MCF2: variants seen among roughly 807,000 people sequenced by gnomAD.
MCF2 encodes proto-oncogene DBL.
A neutral mutation model predicts 82.5 loss-of-function variants in MCF2; 44 were observed. The ratio of observed to expected loss-of-function variants is 0.53; its 90% confidence interval spans 0.42 to 0.69. The LOEUF is 0.69. Among genes scored for constraint, MCF2 ranks in the 30% least tolerant of loss-of-function variants. The pLI, the probability that MCF2 is intolerant of heterozygous loss-of-function variation, is 0.00. For missense variants in MCF2, 623 were observed against 663.1 expected, an observed-to-expected ratio of 0.94 and a Z score of 0.66; for synonymous variants, 217 against 224.9, an observed-to-expected ratio of 0.96 and a Z score of 0.32.
chrX:139,621,146 T>A (rs752963763), intron 6 of MCF2, among the ~76,000 whole-genome samples: 1 of 111,135 alleles, frequency 9.0e-6, no homozygotes, highest in Admixed American at 9.6e-5. Context: ...ACTAATCATA[T>A]AAAGAAGAGT....
chrX:139,638,946 CTATA>C (rs1351320365), intron 1 of MCF2, among the ~76,000 whole-genome samples: 1 of 111,191 alleles, frequency 9.0e-6, no homozygotes, highest in Non-Finnish European at 1.9e-5. Context: ...TACTTTTTCT[CTATA>C]TACCAATATT....
chrX:139,602,156 T>C (rs1930602674), intron 16 of MCF2, among the ~76,000 whole-genome samples: 1 of 110,703 alleles, frequency 9.0e-6, no homozygotes, highest in South Asian at 3.8e-4. Context: ...GTATAAAGGA[T>C]AAAGATAAGC....
chrX:139,656,041 T>G (rs982182978), intron 1 of MCF2, among the ~76,000 whole-genome samples: 22 of 108,955 alleles, frequency 2.0e-4, no homozygotes, highest in South Asian at 3.8e-4. Context: ...GTAAATGCTG[T>G]TTTTTTTTGT....
intron 1 of MCF2, among the ~76,000 whole-genome samples, chrX:139,665,311 A>G (rs2148544413): frequency 9.0e-6 from 1 of 111,603 alleles, no homozygotes; most frequent in East Asian, 2.8e-4. Flanking sequence ...ACTTCACCCC[A>G]TGGCAGCGAG....
chrX:139,699,656 C>T (rs1052065948), intron 1 of MCF2, among the ~76,000 whole-genome samples: 9 of 112,337 alleles, frequency 8.0e-5, no homozygotes, highest in Non-Finnish European at 1.7e-4. Flanking sequence ...CCAGGTTAAA[C>T]CATGCTGTAG....
At chrX:139,628,375 A>G (rs1932814295) in intron 4 of MCF2, among the ~76,000 whole-genome samples, 1 of 112,102 alleles carries the variant, frequency 8.9e-6, no homozygotes, top group South Asian at 3.7e-4. Flanking sequence ...ATGCAAGAAC[A>G]GGAAACCAAA....
At chrX:139,620,367 AG>A (rs1314781202) in intron 6 of MCF2, among the ~76,000 whole-genome samples, 1 of 111,374 alleles carries the variant, frequency 9.0e-6, no homozygotes, top group Non-Finnish European at 1.9e-5. Flanking sequence ...ACAATAGTCA[AG>A]AACACTAATA....
At chrX:139,640,685 A>C (rs1217771875) in intron 1 of MCF2, among the ~76,000 whole-genome samples, 1 of 110,992 alleles carries the variant, frequency 9.0e-6, no homozygotes, top group Admixed American at 9.6e-5. Flanking sequence ...TCAAGGTGAA[A>C]CCATTTTTTT....
intron 10 of MCF2, among the ~76,000 whole-genome samples, chrX:139,611,411 C>T (rs764919211): frequency 8.9e-6 from 1 of 112,032 alleles, no homozygotes; most frequent in Non-Finnish European, 1.9e-5. Flanking sequence ...TAATATGCTC[C>T]ACTTCAAAGA....
At chrX:139,704,520 C>T (rs1314920244) in intron 1 of MCF2, among the ~76,000 whole-genome samples, 2 of 111,213 alleles carry the variant, frequency 1.8e-5, no homozygotes, top group Non-Finnish European at 3.8e-5. Flanking sequence ...AACACAGTCC[C>T]CAAAATCTCA....
chrX:139,648,363 C>A (rs1423082108), intron 2 of MCF2, among the ~76,000 whole-genome samples: 1 of 109,526 alleles, frequency 9.1e-6, no homozygotes, highest in Non-Finnish European at 1.9e-5. Flanking sequence ...CAGAGCAAGA[C>A]CCCGTCTCTC....
chrX:139,606,276 T>A (rs1234503188), intron 12 of MCF2, among the ~76,000 whole-genome samples: 1 of 109,660 alleles, frequency 9.1e-6, no homozygotes, highest in Non-Finnish European at 1.9e-5. Context: ...TTCAAAGTAA[T>A]GTTCTGAAAT....
chrX:139,675,088 C>T (rs1223108794), intron 1 of MCF2, among the ~76,000 whole-genome samples: 1 of 111,944 alleles, frequency 8.9e-6, no homozygotes, highest in Non-Finnish European at 1.9e-5. Context: ...TCATTAATAC[C>T]CTTTCTTCCA....
intron 1 of MCF2, among the ~76,000 whole-genome samples, chrX:139,681,738 A>T (rs1935003425): frequency 8.9e-6 from 1 of 111,979 alleles, no homozygotes; most frequent in Admixed American, 9.5e-5. Context: ...AGATTTATTT[A>T]CTTGTTCACC....
chrX:139,677,536 G>A (rs1345526119), intron 1 of MCF2, among the ~76,000 whole-genome samples: 1 of 111,708 alleles, frequency 9.0e-6, no homozygotes, highest in Non-Finnish European at 1.9e-5. Context: ...CAGGTAACAT[G>A]CTGAGTTTAT....
rs150804865 is a variant in MCF2, at chrX:139,672,083, A to G, written c.-44-20295T>C. Reference sequence around the variant, plus strand: ...TTTATTCTCTTTGTAGCAATTGTGAATGGGAGTTCACTCATGATTTGGCTC... The same window carrying G: ...TTTATTCTCTTTGTAGCAATTGTGAGTGGGAGTTCACTCATGATTTGGCTC... On this transcript the variant is annotated intron_variant, in intron 1 of 27. Coordinates refer to the MCF2 transcript ENST00000414978. Among the ~76,000 whole-genome samples, 1,092 of 111,699 alleles carry G rather than the reference A, an allele frequency of 9.8e-3. 12 individuals carry two copies. Among genetic ancestry groups the G allele is most frequent in the African/African-American group, 0.033 (1,025 of 30,676 alleles).
chrX:139,691,761 G>T (rs964652309), intron 1 of MCF2, among the ~76,000 whole-genome samples: 4 of 109,133 alleles, frequency 3.7e-5, no homozygotes, highest in South Asian at 4.1e-4. Context: ...CGGGCGAGGT[G>T]GGGGGGTTGT....
At chrX:139,692,057 C>T in intron 1 of MCF2, 1 of 1,166,243 alleles carries the variant, frequency 8.6e-7, no homozygotes, top group Non-Finnish European at 1.1e-6. Context: ...CATCTGGGTT[C>T]TGGGGCAGGC....
At chrX:139,691,797 G>A (rs1935272530) in intron 1 of MCF2, 4 of 547,367 alleles carry the variant, frequency 7.3e-6, no homozygotes, top group East Asian at 3.7e-5. Flanking sequence ...AAGTGCGCGC[G>A]GGGAGGGGTG....
Sources: allele counts gnomAD v4.1 joint callset (sites outside exome capture counted in the v4.1 genomes callset), GRCh38; gene constraint gnomAD v4.1.1; transcripts MANE v1.5; gene names NCBI Gene and HGNC (gene_info 2026-07-23, HGNC 2026-07-21).